SLC13A2: variants seen among roughly 807,000 people sequenced by gnomAD.
The protein encoded by SLC13A2 is solute carrier family 13 member 2, also known as Na(+)-coupled citrate transporter.
In SLC13A2, 40 loss-of-function variants were observed where a neutral mutation model predicts 58.5. The ratio of observed to expected loss-of-function variants is 0.68; its 90% CI spans 0.53 to 0.89. The LOEUF is 0.89. Among genes scored for constraint, SLC13A2 ranks in the 40% least tolerant of loss-of-function variants. SLC13A2 has a pLI of 0.00. For synonymous variants in SLC13A2, 341 were observed against 331.6 expected (o/e 1.03, Z -0.31); for missense variants, 694 against 772.6 (o/e 0.90, Z 1.21).
chr17:28,479,733 A>T (rs1436646929), intron 1 of SLC13A2, among the ~76,000 whole-genome samples: 1 of 152,234 alleles, frequency 6.6e-6, no homozygotes, highest in Non-Finnish European at 1.5e-5. Flanking sequence ...AATCTGTGTA[A>T]TTAAGGCTGG....
intron 1 of SLC13A2, 50 bp from the exon 2 acceptor site, chr17:28,489,164 T>C (rs1555602558): frequency 1.9e-6 from 3 of 1,602,138 alleles, no homozygotes; most frequent in Non-Finnish European, 2.6e-6. Flanking sequence ...GTGGCATAGC[T>C]CTGGGACACA....
chr17:28,497,110 A>AT lies in SLC13A2; in HGVS notation c.1622dup (p.Leu542ProfsTer71), dbSNP rs782035808. On this transcript the variant is annotated frameshift_variant, in exon 12 of 12. Coordinates refer to ENST00000314669, the MANE Select transcript of SLC13A2 (RefSeq NM_003984.4). LOFTEE classifies it low-confidence loss of function (END_TRUNC). ...TCTCCTCACACCAGGCCCGGGCAGG[A>AT]TTCCTCCTCAACATCATTGGAGTCC... 7.4e-6 allele frequency: 12 copies of AT among 1,613,904 alleles called. No homozygotes were observed. The highest frequency in any genetic ancestry group is 1.3e-5 in the African/African-American group (1 of 74,884).
chr17:28,490,338 A>G, intron 2 of SLC13A2, 116 bp from the exon 3 acceptor site: 1 of 1,607,820 alleles, frequency 6.2e-7, no homozygotes, highest in Non-Finnish European at 8.5e-7. Flanking sequence ...TCCAGTTTCG[A>G]GAGCCCAGGG....
chr17:28,492,551 A>G (rs1265028944), intron 6 of SLC13A2, among the ~76,000 whole-genome samples: 1 of 152,250 alleles, frequency 6.6e-6, no homozygotes, highest in Admixed American at 6.5e-5. Flanking sequence ...CTGCAGGACT[A>G]AAACACAAAC....
intron 6 of SLC13A2, among the ~76,000 whole-genome samples, chr17:28,492,339 G>A (rs1193930800): frequency 6.6e-6 from 1 of 152,224 alleles, no homozygotes; most frequent in Non-Finnish European, 1.5e-5. Flanking sequence ...CCCAGATGCT[G>A]CAAGAGCACA....
chr17:28,493,481 G>GTC, intron 6 of SLC13A2, 90 bp from the exon 7 acceptor site: 4 of 1,088,666 alleles, frequency 3.7e-6, no homozygotes, highest in Non-Finnish European at 5.2e-6. Flanking sequence ...GCCCTCTGTG[G>GTC]GCCTCAGCCT....
At chr17:28,489,800 C>T (rs1001173748) in intron 2 of SLC13A2, among the ~76,000 whole-genome samples, 1 of 152,112 alleles carries the variant, frequency 6.6e-6, no homozygotes. Flanking sequence ...TGATGCTGGC[C>T]CAGGGATCAT....
rs1180057115 is a variant in SLC13A2 at position 28,494,715 on chromosome 17, T to C, written c.1308+203T>C. Among the ~76,000 whole-genome samples the C allele has an allele frequency of 6.6e-6, 1 of 152,072 alleles. No individual in the cohort carries two copies. Among genetic ancestry groups the C allele is most frequent in the Non-Finnish European group, 1.5e-5 (1 of 67,990 alleles). ...AAGAAACACAAGCCCTAGGGACCTC[T>C]TTGTTCAGTTCTCAAAGTCCAAGGG... On this transcript the variant is annotated intron_variant, in intron 9 of 11. Coordinates refer to ENST00000314669, the MANE Select transcript of SLC13A2 (RefSeq NM_003984.4). This position sits in a 1 kb window ranked among gnomAD's most constrained non-coding sequence, Gnocchi z 4.0.
intron 6 of SLC13A2, 90 bp from the exon 7 acceptor site, chr17:28,493,481 G>A: frequency 9.2e-7 from 1 of 1,088,702 alleles, no homozygotes; most frequent in South Asian, 1.7e-5. Flanking sequence ...GCCCTCTGTG[G>A]GCCTCAGCCT....
intron 1 of SLC13A2, among the ~76,000 whole-genome samples, chr17:28,477,972 C>A (rs1404947687): frequency 6.6e-6 from 1 of 151,950 alleles, no homozygotes; most frequent in Admixed American, 6.6e-5. Context: ...GCAGGAGAAT[C>A]GCTTGAACCC....
At position 28,494,249 on chromosome 17, in the gene SLC13A2, C is replaced by A. The variant is rs2069094180; in HGVS notation, c.1187-142C>A. 15 of 1,526,674 alleles carry A rather than the reference C, an allele frequency of 9.8e-6. 1 individual carries two copies. The East Asian group carries it at 3.2e-4, about 32-fold the overall frequency. The allele number at this position is 1,526,674 out of a possible 1,614,324, so 94.6% of individuals were successfully genotyped here. On this transcript the variant is annotated intron_variant, in intron 8 of 11. Coordinates refer to ENST00000314669, the MANE Select transcript of SLC13A2 (RefSeq NM_003984.4). This position sits in a 1 kb window ranked among gnomAD's most constrained non-coding sequence, Gnocchi z 4.0. ...TGCCAAGGGCACAGGGACTCGGAGA[C>A]AAAGTTGAGATGTTGCAGAACTGAG...
At chr17:28,480,218 T>C (rs1312868467) in intron 1 of SLC13A2, among the ~76,000 whole-genome samples, 1 of 151,540 alleles carries the variant, frequency 6.6e-6, no homozygotes, top group Admixed American at 6.6e-5. Context: ...CTGTGGTCCC[T>C]GTTACTTAGG....
Position 28,497,471 on chromosome 17 carries a change from T to C in SLC13A2, c.*202T>C. 1.6e-6 allele frequency: 1 copy of C among 613,372 alleles called. No individual in the cohort carries two copies. Among genetic ancestry groups the C allele is most frequent in the South Asian group, 2.2e-5 (1 of 46,448 alleles). The allele number at this position is 613,372 out of a possible 1,614,324, so 38.0% of individuals were successfully genotyped here. On this transcript the variant is annotated 3_prime_UTR_variant, in exon 12 of 12. Transcript: ENST00000314669. ...CTGGAATAAAAGGTGTGTGCATGTG[T>C]GTGTGCGCATATGTGTGCGCCTGCA... is the stretch of plus-strand genomic sequence containing the variant.
At chr17:28,489,470 T>C in intron 2 of SLC13A2, 128 bp downstream of exon 2, 1 of 1,111,108 alleles carries the variant, frequency 9.0e-7, no homozygotes, top group Non-Finnish European at 1.2e-6. Flanking sequence ...TTCCTGACTC[T>C]GCATGAGGAA....
At chr17:28,492,230 G>T (rs1555603672) in intron 6 of SLC13A2, among the ~76,000 whole-genome samples, 1 of 152,190 alleles carries the variant, frequency 6.6e-6, no homozygotes, top group African/African-American at 2.4e-5. Flanking sequence ...ACTGGGTTGT[G>T]TGTAAGGCAC....
At chr17:28,473,858 A>T (rs2068626905) in intron 1 of SLC13A2, 44 bp downstream of exon 1, 1 of 1,553,098 alleles carries the variant, frequency 6.4e-7, no homozygotes, top group African/African-American at 1.4e-5. Flanking sequence ...CAGGGGGCAG[A>T]GGAGGGACTG....
chr17:28,490,221 C>A, intron 2 of SLC13A2: 1 of 1,292,966 alleles, frequency 7.7e-7, no homozygotes, highest in Non-Finnish European at 1.0e-6. Flanking sequence ...TTGCAGTGAG[C>A]TGTGATTGTG....
At position 28,491,790 on chromosome 17, in the gene SLC13A2, C is replaced by T; in HGVS notation, c.816C>T (p.Pro272=). The stretch of plus-strand genomic sequence containing the variant: ...CCTCCTGGTTCAGCTTCGCCTTCCC[C>T]ACCATGGTCATCTTGCTGCTGCTGG... ...NFASWFSFAF[P]TMVILLLLAW... The change falls in exon 6 of 12, where the codon CCC becomes CCT. Residue 272 remains proline, a synonymous_variant. Transcript: ENST00000314669. 1 of 1,614,226 alleles carries T rather than the reference C, an allele frequency of 6.2e-7. No individual in the cohort carries two copies. Among genetic ancestry groups the T allele is most frequent in the Non-Finnish European group, 8.5e-7 (1 of 1,180,036 alleles).
chr17:28,484,531 A>T (rs560908605), intron 1 of SLC13A2, among the ~76,000 whole-genome samples: 57 of 152,292 alleles, frequency 3.7e-4, no homozygotes, highest in African/African-American at 1.3e-3. Flanking sequence ...GGTTCCTGAA[A>T]GCACTAGGAA....
Sources: allele counts gnomAD v4.1 joint callset (sites outside exome capture counted in the v4.1 genomes callset), GRCh38; gene constraint gnomAD v4.1.1; non-coding constraint Gnocchi (gnomAD v3.1); transcripts MANE v1.5; gene names NCBI Gene and HGNC (gene_info 2026-07-23, HGNC 2026-07-21).